SPATA9: variants seen among roughly 807,000 people sequenced by gnomAD.
SPATA9 encodes spermatogenesis associated 9, also known as spermatogenesis-associated protein 9.
Under a neutral mutation model 25.5 loss-of-function variants are expected in SPATA9, and 27 were observed. The observed-to-expected ratio is 1.06, with a 90% CI of 0.78 to 1.46. SPATA9 has a LOEUF of 1.46. Ranked by LOEUF, SPATA9 falls within the 40% of genes most tolerant of loss-of-function variation. The pLI is 0.00. For missense variants in SPATA9, 282 were observed against 297.5 expected, an observed-to-expected ratio of 0.95 and a Z score of 0.38; for synonymous variants, 102 against 105.7, an observed-to-expected ratio of 0.97 and a Z score of 0.21.
chr5:95,731,097 G>A, the SPATA9 span: 2 of 1,110,360 alleles, frequency 1.8e-6, no homozygotes, highest in Non-Finnish European at 1.1e-6. Context: ...GCGGCTGGGA[G>A]CTCTCGGGCT....
downstream of SPATA9, chr5:95,652,542 C>T: frequency 3.7e-6 from 2 of 542,018 alleles, no homozygotes; most frequent in Non-Finnish European, 2.9e-6. Flanking sequence ...TCCTCACAGT[C>T]TTTGGCACTA....
At chr5:95,670,774 TC>T (rs1752300421) in intron 3 of SPATA9, 4 of 875,966 alleles carry the variant, frequency 4.6e-6, no homozygotes, top group Non-Finnish European at 5.5e-6. Context: ...ATGGATGCAC[TC>T]CATTTACAGA....
chr5:95,731,592 G>T, the SPATA9 span: 2 of 1,581,908 alleles, frequency 1.3e-6, no homozygotes, highest in Non-Finnish European at 8.6e-7. Context: ...GGGATGAGCG[G>T]ATTGCGGGTG....
chr5:95,725,078 A>G, the SPATA9 span, among the ~76,000 whole-genome samples: 1 of 152,158 alleles, frequency 6.6e-6, no homozygotes, highest in Admixed American at 6.5e-5. Context: ...ACCCACAAAT[A>G]TACTACATTT....
downstream of SPATA9, among the ~76,000 whole-genome samples, chr5:95,654,673 T>C (rs1434564376): frequency 3.3e-5 from 5 of 152,164 alleles, no homozygotes; most frequent in Admixed American, 3.3e-4. Context: ...GTTAAATAAA[T>C]TATGATACAG....
chr5:95,691,826 A>T lies in SPATA9; in HGVS notation n.124+6762T>A, dbSNP rs139439616. 3.0e-3 allele frequency among the ~76,000 whole-genome samples: 450 copies of T among 152,230 alleles called. 3 individuals carry two copies. The highest frequency in any genetic ancestry group is 0.01 in the African/African-American group (425 of 41,556). ...TACTGTTTACTGAAGCCAACACCAA[A>T]CATTATTCTAAATAATCTTTATCAT... On this transcript the variant is annotated intron_variant and non_coding_transcript_variant, in intron 1 of 2. Coordinates refer to the SPATA9 transcript ENST00000379990.
At chr5:95,675,272 G>T in intron 3 of SPATA9, 140 bp downstream of exon 3, 1 of 697,498 alleles carries the variant, frequency 1.4e-6, no homozygotes, top group Non-Finnish European at 2.3e-6. Flanking sequence ...ATTTTAAAAA[G>T]CCCCAACCAT....
At chr5:95,653,136 A>G (rs1221525697) in exon 9 of SPATA9, 8 of 1,551,530 alleles carry the variant, frequency 5.2e-6, no homozygotes. Context: ...CTCTTCCCCA[A>G]GCTGTTGGCA....
the SPATA9 span, among the ~76,000 whole-genome samples, chr5:95,726,955 C>T: frequency 6.6e-6 from 1 of 151,810 alleles, no homozygotes; most frequent in Non-Finnish European, 1.5e-5. Context: ...AGCTTAATTT[C>T]GTTTCCCCCC....
At chr5:95,652,845 T>TA (rs967325240), downstream of SPATA9, 4 of 406,484 alleles carry the variant, frequency 9.8e-6, no homozygotes, top group African/African-American at 8.3e-5. Context: ...CATGGACCCC[T>TA]AGCTTTCTGA....
At chr5:95,708,495 G>A in the SPATA9 span, 2 of 690,808 alleles carry the variant, frequency 2.9e-6, no homozygotes, top group African/African-American at 3.5e-5. Context: ...ATGAAGATCT[G>A]GTTGATCCCC....
the SPATA9 span, chr5:95,732,044 T>C: frequency 6.2e-7 from 1 of 1,614,134 alleles, no homozygotes; most frequent in Non-Finnish European, 8.5e-7. Context: ...GCCAGTGCGT[T>C]TGGGAATGTC....
At position 95,669,996 on chromosome 5, in the gene SPATA9, T is replaced by C. The variant is rs78586493; in HGVS notation, c.378+5416A>G. ...AGCCAAGTACAAAAGAACCCTCTTCTAACAAGGTGGCAAGCTGGAAAGGCT... is the reference window on the plus strand; with the variant it reads ...AGCCAAGTACAAAAGAACCCTCTTCCAACAAGGTGGCAAGCTGGAAAGGCT... On this transcript the variant is annotated intron_variant, in intron 3 of 4. Coordinates refer to ENST00000274432, the MANE Select transcript of SPATA9 (RefSeq NM_031952.4). Among the ~76,000 whole-genome samples, 1,448 of 152,236 alleles carry C rather than the reference T, an allele frequency of 9.5e-3. 22 individuals carry two copies. Among genetic ancestry groups the C allele is most frequent in the African/African-American group, 0.033 (1,366 of 41,524 alleles).
downstream of SPATA9, chr5:95,656,402 A>G (rs1331187183): frequency 3.1e-6 from 3 of 960,054 alleles, no homozygotes; most frequent in East Asian, 2.5e-5. Flanking sequence ...AAATTTTTCA[A>G]CATAGGCACA....
At chr5:95,703,627 C>A (rs777641504), upstream of SPATA9, among the ~76,000 whole-genome samples, 1 of 150,528 alleles carries the variant, frequency 6.6e-6, no homozygotes, top group East Asian at 1.9e-4. Context: ...AGAGTGAGAG[C>A]CCATCTCAAA....
intron 3 of SPATA9, among the ~76,000 whole-genome samples, chr5:95,672,163 T>C (rs1752447934): frequency 6.6e-6 from 1 of 152,152 alleles, no homozygotes; most frequent in Non-Finnish European, 1.5e-5. Flanking sequence ...CTTGGGTAGA[T>C]GTGAGGTGGG....
At chr5:95,695,638 ATTG>A (rs1474194844) in intron 1 of SPATA9, among the ~76,000 whole-genome samples, 1 of 152,146 alleles carries the variant, frequency 6.6e-6, no homozygotes, top group Non-Finnish European at 1.5e-5. Context: ...ACTCTTATAT[ATTG>A]TTGAGAACTC....
chr5:95,685,833 C>T (rs939189993), upstream of SPATA9, among the ~76,000 whole-genome samples: 7 of 151,824 alleles, frequency 4.6e-5, no homozygotes, highest in African/African-American at 1.2e-4. Context: ...ATAGTTTTTT[C>T]GTTTGTTTGT....
downstream of SPATA9, chr5:95,655,951 G>A (rs1046080497): frequency 4.2e-6 from 5 of 1,204,766 alleles, 1 homozygote; most frequent in Admixed American, 4.6e-5. Context: ...AAGCTAACCT[G>A]TTTTTTTAAC....
Sources: allele counts gnomAD v4.1 joint callset (sites outside exome capture counted in the v4.1 genomes callset), GRCh38; gene constraint gnomAD v4.1.1; transcripts MANE v1.5; gene names NCBI Gene and HGNC (gene_info 2026-07-23, HGNC 2026-07-21).